Variants in VPS13B observed in about 807,000 individuals in gnomAD.
VPS13B encodes intermembrane lipid transfer protein VPS13B.
VPS13B carries 285 observed loss-of-function variants against 426.4 expected under a neutral mutation model. The observed-to-expected ratio is 0.67, with a 90% confidence interval of 0.61 to 0.74. VPS13B has a LOEUF of 0.74. VPS13B is among the 30% of genes least tolerant of loss of function. VPS13B has a pLI of 0.00. For missense variants in VPS13B, 4,537 were observed against 4,782.6 expected, an observed-to-expected ratio of 0.95 and a Z score of 1.51; for synonymous variants, 1,676 against 1,676.4, an observed-to-expected ratio of 1.00 and a Z score of 0.01.
At position 99,534,855 on chromosome 8, in the gene VPS13B, A is replaced by G. The variant is rs572214203; in HGVS notation, c.4745+13845A>G. On this transcript the variant is annotated intron_variant, in intron 30 of 61. Transcript: ENST00000357162. Reference sequence around the variant, plus strand: ...AAGAGTAACCTGCAAATTTATTCCTATAGCTATTCATATAGTGTAACCTGC... The same window carrying G: ...AAGAGTAACCTGCAAATTTATTCCTGTAGCTATTCATATAGTGTAACCTGC... Among the ~76,000 whole-genome samples the G allele has an allele frequency of 1.1e-3, 167 of 152,336 alleles. 1 individual carries two copies. The highest frequency in any genetic ancestry group is 1.9e-3 in the Non-Finnish European group (130 of 68,006).
In VPS13B at chr8:99,628,790, A is replaced by G. The variant is rs546115061; in HGVS notation, c.5221-13021A>G. 9.3e-5 allele frequency among the ~76,000 whole-genome samples: 14 copies of G among 151,012 alleles called. No individual in the cohort carries two copies. The East Asian group carries it at 2.3e-3, about 25-fold the overall frequency. ...CTAGCTATGTGTTTTTTTTTTTTTA[A>G]GGGGGCAGACAGGATCTCGCTTTGT... On this transcript the variant is annotated intron_variant, in intron 33 of 61. Transcript: ENST00000357162.
chr8:99,345,444 C>T (rs902967217), intron 19 of VPS13B, among the ~76,000 whole-genome samples: 21 of 152,064 alleles, frequency 1.4e-4, no homozygotes, highest in Admixed American at 4.6e-4. Flanking sequence ...CAACACCAAC[C>T]GTGGGCTATA....
rs764356043 is a variant in VPS13B at position 99,642,228 on chromosome 8, A to G, written c.5638A>G (p.Ile1880Val). ...AGCAGAAGATCTCTTAAGGAGCAGC[A>G]TTTCTTTTCCTTCAGGGAAAAAAAT... is the stretch of plus-strand genomic sequence containing the variant. ...VTAEDLLRSSISFPSGKKIGV... is the reference protein window; with the variant it reads ...VTAEDLLRSSVSFPSGKKIGV... Residue 1880 changes from isoleucine (I) to valine (V), a missense_variant, in exon 34 of 62, where the codon ATT becomes GTT. Around this residue, in one of 2 missense-constraint regions of VPS13B, gnomAD observed 4,311 missense variants for 4,474.3 expected, o/e 0.96. Transcript: ENST00000357162. 2.5e-6 allele frequency: 4 copies of G among 1,614,160 alleles called. No homozygotes were observed. In the South Asian group the frequency reaches 4.4e-5, roughly 18 times the overall value.
chr8:99,381,941 C>T (rs1056353503), intron 19 of VPS13B, among the ~76,000 whole-genome samples: 1 of 152,046 alleles, frequency 6.6e-6, no homozygotes, highest in Non-Finnish European at 1.5e-5. Flanking sequence ...ACATTGTCTT[C>T]TAGGACTTTT....
At chr8:99,041,528 A>G (rs1356704255) in intron 3 of VPS13B, among the ~76,000 whole-genome samples, 1 of 152,202 alleles carries the variant, frequency 6.6e-6, no homozygotes, top group Non-Finnish European at 1.5e-5. Flanking sequence ...AATTTAAAAA[A>G]TTATATGATT....
chr8:99,699,657 T>C lies in VPS13B; in HGVS notation c.6179T>C (p.Met2060Thr), dbSNP rs1332369687. 22 of 1,614,050 alleles carry C rather than the reference T, an allele frequency of 1.4e-5. No homozygotes were observed. The highest frequency in any genetic ancestry group is 4.0e-5 in the African/African-American group (3 of 74,928). The change falls in exon 36 of 62, where the codon ATG (methionine) becomes ACG (threonine). Residue 2060 changes from methionine (M) to threonine (T), a missense_variant. Met to Thr is a moderately conservative substitution (Grantham distance 81). Transcript: ENST00000357162. ...GCACATAGTGAAGAGACTTCAGCCA[T>C]GTCCAACACCATGGTGAATAAGGAT... ...SLAHSEETSA[M>T]SNTMVNKDDL...
chr8:99,833,178 C>A (rs1295113432), intron 52 of VPS13B, among the ~76,000 whole-genome samples: 3 of 152,180 alleles, frequency 2.0e-5, no homozygotes, highest in African/African-American at 4.8e-5. Flanking sequence ...TGTGGTCGTT[C>A]CTGCACGCAA....
chr8:99,824,221 C>T (rs557434220), intron 51 of VPS13B, among the ~76,000 whole-genome samples: 1 of 152,120 alleles, frequency 6.6e-6, no homozygotes, highest in Non-Finnish European at 1.5e-5. Context: ...CTGCCTGTGC[C>T]CCATCTGCTC....
At position 99,511,155 on chromosome 8, in the gene VPS13B, C is replaced by G. The variant is rs759038095; in HGVS notation, c.4276C>G (p.Leu1426Val). The change falls in exon 29 of 62, where the codon CTG becomes GTG. Residue 1426 changes from leucine (L) to valine (V), a missense_variant. By Grantham distance (32) the Leu-to-Val change is conservative. Around this residue, in one of 2 missense-constraint regions of VPS13B, gnomAD observed 4,311 missense variants for 4,474.3 expected, o/e 0.96. Coordinates refer to ENST00000357162, the MANE Select transcript of VPS13B (RefSeq NM_152564.5). ...TCATCAGCAGCATGGATTCCTCTCT[C>G]TGACATACACAAAAGCTGTAACAAA... ...GTHQQHGFLS[L>V]TYTKAVTKNV... 6.2e-7 allele frequency: 1 copy of G among 1,613,874 alleles called. No individual in the cohort carries two copies.
intron 20 of VPS13B, among the ~76,000 whole-genome samples, chr8:99,386,611 G>A (rs563422577): frequency 6.6e-6 from 1 of 152,302 alleles, no homozygotes; most frequent in South Asian, 2.1e-4. Flanking sequence ...CCACCATCGT[G>A]TATGCAATCC....
chr8:99,646,177 A>G (rs991432764), intron 34 of VPS13B, among the ~76,000 whole-genome samples: 2 of 152,218 alleles, frequency 1.3e-5, no homozygotes, highest in African/African-American at 4.8e-5. Context: ...AAGAAGTAAC[A>G]TGTCATGTGT....
At chr8:99,778,573 C>A in intron 41 of VPS13B, 109 bp from the exon 42 acceptor site, 1 of 987,878 alleles carries the variant, frequency 1.0e-6, no homozygotes, top group Non-Finnish European at 1.6e-6. Context: ...ACACCAAAAA[C>A]TAATTTCAAT....
At chr8:99,621,756 A>G (rs1051409818) in intron 33 of VPS13B, among the ~76,000 whole-genome samples, 8 of 148,734 alleles carry the variant, frequency 5.4e-5, no homozygotes, top group Non-Finnish European at 1.0e-4. Flanking sequence ...CTAGTTTGAG[A>G]TTCCTCAAAA....
intron 24 of VPS13B, among the ~76,000 whole-genome samples, chr8:99,479,170 TCTGTATTTCTG>T (rs1819905449): frequency 1.3e-5 from 2 of 152,182 alleles, no homozygotes; most frequent in Non-Finnish European, 2.9e-5. Flanking sequence ...TTTTGTTCAT[TCTGTATTTCTG>T]AGTAGAATGA....
chr8:99,026,351 G>C (rs908943299), intron 2 of VPS13B, among the ~76,000 whole-genome samples: 2 of 152,148 alleles, frequency 1.3e-5, no homozygotes, highest in African/African-American at 4.8e-5. Flanking sequence ...ATTGTGGTTA[G>C]AAAAGAAACT....
intron 29 of VPS13B, among the ~76,000 whole-genome samples, chr8:99,512,594 T>A (rs1404011955): frequency 1.3e-5 from 2 of 152,226 alleles, no homozygotes; most frequent in African/African-American, 4.8e-5. Context: ...ATTGTCAAAC[T>A]GTTTTTGGCA....
At chr8:99,781,992 T>C (rs924547637) in intron 42 of VPS13B, among the ~76,000 whole-genome samples, 2 of 152,152 alleles carry the variant, frequency 1.3e-5, no homozygotes, top group African/African-American at 2.4e-5. Flanking sequence ...TCCAGTTTGA[T>C]TGAAGGTTTG....
intron 17 of VPS13B, chr8:99,233,635 A>C: frequency 3.5e-6 from 4 of 1,131,514 alleles, no homozygotes; most frequent in Non-Finnish European, 5.4e-6. Context: ...TCTCCATCTC[A>C]GCACTGGCAT....
At chr8:99,280,923 A>G (rs1484595639) in intron 19 of VPS13B, among the ~76,000 whole-genome samples, 1 of 151,860 alleles carries the variant, frequency 6.6e-6, no homozygotes, top group African/African-American at 2.4e-5. Context: ...GCTATGGTTG[A>G]TCATACCCTT....
Sources: allele counts gnomAD v4.1 joint callset (sites outside exome capture counted in the v4.1 genomes callset), GRCh38; gene constraint gnomAD v4.1.1; regional missense constraint gnomAD v4.1.1; transcripts MANE v1.5; gene names NCBI Gene and HGNC (gene_info 2026-07-23, HGNC 2026-07-21).